The following DDX60 variants were observed in gnomAD, a reference collection of about 807,000 sequenced individuals.
The protein encoded by DDX60 is DExD/H-box helicase 60.
A neutral mutation model predicts 212.8 loss-of-function variants in DDX60; 165 were observed. The ratio of observed to expected loss-of-function variants is 0.78; its 90% confidence interval spans 0.68 to 0.88. DDX60 has a LOEUF of 0.88. Ranked by LOEUF, DDX60 falls within the 40% of genes least tolerant of loss-of-function variation. DDX60 has a pLI of 0.00. For synonymous variants in DDX60, 703 were observed against 685.3 expected, an observed-to-expected ratio of 1.03 and a Z score of -0.40; for missense variants, 1,905 against 2,003.9, an observed-to-expected ratio of 0.95 and a Z score of 0.94.
At chr4:168,227,816 C>A (rs1421219701) in intron 33 of DDX60, among the ~76,000 whole-genome samples, 1 of 150,984 alleles carries the variant, frequency 6.6e-6, no homozygotes, top group African/African-American at 2.4e-5. Context: ...CTTTTTTATC[C>A]TTTGTGTATT....
intron 14 of DDX60, among the ~76,000 whole-genome samples, chr4:168,280,006 C>A (rs901335621): frequency 3.3e-5 from 5 of 152,258 alleles, no homozygotes; most frequent in Middle Eastern, 3.4e-3. Context: ...GTAATCCCAG[C>A]ACTTTGGGAG....
At position 168,275,347 on chromosome 4, in the gene DDX60, G is replaced by GC. The variant is rs1735286779; in HGVS notation, c.2301dup (p.Gln768AlafsTer6). The GC allele has an allele frequency of 6.2e-7, 1 of 1,602,888 alleles. No homozygotes were observed. Among genetic ancestry groups the GC allele is most frequent in the South Asian group, 1.1e-5 (1 of 87,704 alleles). ...TTTTGTTTCATTTGCAGTATTACCT[G>GC]CCATGTGTCGGGAATAAAATCCTGG... On this transcript the variant is annotated frameshift_variant, in exon 16 of 38. Transcript: ENST00000393743. LOFTEE classifies it high-confidence loss of function.
chr4:168,302,310 ATAT>A lies in DDX60; in HGVS notation c.710_712del (p.Asn237del). ...AAAATGTTTTGTTACCTCTTCCGTA[ATAT>A]TATTCCATTTTAAACTTCCAAAAAG... is the stretch of plus-strand genomic sequence containing the variant. On this transcript the variant is annotated inframe_deletion, in exon 6 of 38. Coordinates refer to ENST00000393743, the MANE Select transcript of DDX60 (RefSeq NM_017631.6). 6.6e-7 allele frequency: 1 copy of A among 1,510,996 alleles called. No individual in the cohort carries two copies. Among genetic ancestry groups the A allele is most frequent in the Non-Finnish European group, 9.0e-7 (1 of 1,111,932 alleles). 93.6% of individuals were successfully genotyped at this position (1,510,996 alleles called of 1,614,324 possible). A position where few individuals can be genotyped will look rare whatever the true frequency, so the allele number is the denominator to read the frequency against.
chr4:168,288,374 G>T, intron 8 of DDX60, 59 bp from the exon 9 acceptor site: 1 of 1,195,232 alleles, frequency 8.4e-7, no homozygotes, highest in Non-Finnish European at 1.2e-6. Context: ...ATAAACTATA[G>T]GGTTCATATG....
chr4:168,286,417 C>CA (rs1477194591), intron 10 of DDX60, among the ~76,000 whole-genome samples: 187 of 97,342 alleles, frequency 1.9e-3, no homozygotes, highest in East Asian at 0.011. Context: ...CACACACACA[C>CA]CACACGAGAT....
chr4:168,288,267 A>T lies in DDX60; in HGVS notation c.1090T>A (p.Phe364Ile), dbSNP rs759344743. ...FILRNIHTFE[F>I]WNLNLIHLSD... Reference sequence around the variant, plus strand: ...AGGTGAATTAAATTCAGATTCCAAAATTCAAAAGTATGTATATTTCTTAAG... The same window carrying T: ...AGGTGAATTAAATTCAGATTCCAAATTTCAAAAGTATGTATATTTCTTAAG... Residue 364 changes from phenylalanine (F) to isoleucine (I), a missense_variant, in exon 9 of 38, where the codon TTT becomes ATT. Coordinates refer to ENST00000393743, the MANE Select transcript of DDX60 (RefSeq NM_017631.6). 2.7e-6 allele frequency: 4 copies of T among 1,499,504 alleles called. No individual in the cohort carries two copies. Among genetic ancestry groups the T allele is most frequent in the Non-Finnish European group, 3.7e-6 (4 of 1,094,114 alleles). 92.9% of individuals were successfully genotyped at this position (1,499,504 alleles called of 1,614,324 possible).
chr4:168,255,799 T>C lies in DDX60; in HGVS notation c.3469A>G (p.Lys1157Glu). 6.2e-7 allele frequency: 1 copy of C among 1,609,644 alleles called. No homozygotes were observed. Among genetic ancestry groups the C allele is most frequent in the African/African-American group, 1.3e-5 (1 of 74,568 alleles). ...STFLKKKQET[K>E]RPPKADKEAH... ...TCTTTATCAGCTTTGGGAGGCCTTT[T>C]TGTCTCCTGCTTTTTCTTTAGGAAA... Residue 1157 changes from lysine (K) to glutamate (E), a missense_variant, in exon 26 of 38, where the codon AAA becomes GAA. By Grantham distance (56) the Lys-to-Glu change is moderately conservative (BLOSUM62 1). Coordinates refer to ENST00000393743, the MANE Select transcript of DDX60 (RefSeq NM_017631.6).
chr4:168,249,065 A>T (rs1159067764), intron 28 of DDX60, among the ~76,000 whole-genome samples: 1 of 152,078 alleles, frequency 6.6e-6, no homozygotes, highest in African/African-American at 2.4e-5. Flanking sequence ...AGGCCCAGTA[A>T]ATATTTTTAA....
At chr4:168,295,043 T>A (rs1736280443) in intron 6 of DDX60, among the ~76,000 whole-genome samples, 1 of 152,136 alleles carries the variant, frequency 6.6e-6, no homozygotes, top group Admixed American at 6.5e-5. Context: ...TCACCTCACA[T>A]CTGTCAGAAG....
At chr4:168,226,855 G>C (rs1644455746) in intron 33 of DDX60, among the ~76,000 whole-genome samples, 1 of 152,086 alleles carries the variant, frequency 6.6e-6, no homozygotes, top group South Asian at 2.1e-4. Context: ...TATGCAGATA[G>C]AGTAGAAGGA....
chr4:168,287,596 AT>A (rs1735916138), intron 9 of DDX60, among the ~76,000 whole-genome samples: 1 of 152,156 alleles, frequency 6.6e-6, no homozygotes, highest in South Asian at 2.1e-4. Flanking sequence ...TATGCAGCTA[AT>A]TCATTACAAT....
At chr4:168,234,510 A>C (rs1449606282) in intron 33 of DDX60, among the ~76,000 whole-genome samples, 3 of 151,896 alleles carry the variant, frequency 2.0e-5, no homozygotes, top group Admixed American at 6.6e-5. Flanking sequence ...CAGTTCTAAA[A>C]TGTCCAATTT....
At chr4:168,297,358 GAA>G (rs1491340838) in intron 6 of DDX60, among the ~76,000 whole-genome samples, 31 of 63,420 alleles carry the variant, frequency 4.9e-4, no homozygotes, top group South Asian at 2.0e-3. Context: ...AAGAAAGAAA[GAA>G]AGAAAGAAAG....
At chr4:168,217,462 G>A (rs1732887793) in intron 37 of DDX60, among the ~76,000 whole-genome samples, 1 of 152,256 alleles carries the variant, frequency 6.6e-6, no homozygotes, top group South Asian at 2.1e-4. Flanking sequence ...ACCTAGATGT[G>A]TAAAAAGATA....
Position 168,280,381 on chromosome 4 carries a change from T to C in DDX60, c.1932A>G (p.Leu644=). 6.2e-7 allele frequency: 1 copy of C among 1,614,124 alleles called. No individual in the cohort carries two copies. Among genetic ancestry groups the C allele is most frequent in the South Asian group, 1.1e-5 (1 of 91,078 alleles). ...CVKLQVEMVG[L]TACLKAWKEH... ...CTTTCCAGGCTTTCAAGCAAGCAGTTAACCCCACCATTTCAACCTGAAGTT... is the reference window on the plus strand; with the variant it reads ...CTTTCCAGGCTTTCAAGCAAGCAGTCAACCCCACCATTTCAACCTGAAGTT... Residue 644 remains leucine (L), a synonymous_variant, in exon 14 of 38, where the codon TTA becomes TTG. Coordinates refer to ENST00000393743, the MANE Select transcript of DDX60 (RefSeq NM_017631.6).
intron 30 of DDX60, among the ~76,000 whole-genome samples, chr4:168,243,344 G>C (rs1331224588): frequency 6.6e-6 from 1 of 151,744 alleles, no homozygotes; most frequent in Non-Finnish European, 1.5e-5. Flanking sequence ...CTACAGAATG[G>C]GAGAAAATTA....
Position 168,252,374 on chromosome 4 carries a change from G to A in DDX60, c.3705+135C>T, listed in dbSNP as rs944456277. ...TCAAGAGTGATATGTAGCTAAAGGA[G>A]AGTTCTCTTTTGGTAGGGATTGTAT... is the stretch of plus-strand genomic sequence containing the variant. On this transcript the variant is annotated intron_variant, in intron 27 of 37. Transcript: ENST00000393743. The A allele has an allele frequency of 4.8e-6, 5 of 1,050,778 alleles. No individual in the cohort carries two copies. In the African/African-American group the frequency reaches 8.2e-5, roughly 17 times the overall value. The allele number at this position is 1,050,778 out of a possible 1,614,324, so 65.1% of individuals were successfully genotyped here.
chr4:168,291,125 T>C (rs1479030373), intron 8 of DDX60, among the ~76,000 whole-genome samples: 1 of 152,090 alleles, frequency 6.6e-6, no homozygotes, highest in African/African-American at 2.4e-5. Context: ...AAGTAAACCA[T>C]GGTACTAAAA....
chr4:168,225,730 T>A, intron 33 of DDX60, 54 bp from the exon 34 acceptor site: 1 of 1,528,114 alleles, frequency 6.5e-7, no homozygotes, highest in Non-Finnish European at 8.9e-7. Flanking sequence ...CCTTCAAAAC[T>A]GAATCGTTGG....
Sources: gnomAD v4.1 joint callset for allele counts (sites outside exome capture counted in the v4.1 genomes callset) on GRCh38, gnomAD v4.1.1 for gene constraint, MANE v1.5 for transcripts, NCBI Gene and HGNC (gene_info 2026-07-23, HGNC 2026-07-21) for gene names.